CALN1: variants seen among roughly 807,000 people sequenced by gnomAD.
The protein encoded by CALN1 is calcium-binding protein 8.
In CALN1, 17 loss-of-function variants were observed where a neutral mutation model predicts 30.6. The ratio of observed to expected loss-of-function variants is 0.56; its 90% CI spans 0.38 to 0.83. The LOEUF is 0.83. CALN1 is among the 40% of genes least tolerant of loss of function. The pLI is 0.00. For missense variants in CALN1, 291 were observed against 354.9 expected (o/e 0.82, Z 1.45); for synonymous variants, 156 against 131.4 (o/e 1.19, Z -1.28).
At chr7:71,790,347 A>AAAG (rs1477771636) in intron 6 of CALN1, among the ~76,000 whole-genome samples, 2,022 of 115,126 alleles carry the variant, frequency 0.018, 27 homozygotes, top group East Asian at 0.069. Context: ...AGAAAGAAAG[A>AAAG]AAAGAAAGAA....
Position 71,787,162 on chromosome 7 carries a change from C to A in CALN1, c.*613G>T. On this transcript the variant is annotated 3_prime_UTR_variant, in exon 7 of 7. Coordinates refer to ENST00000395275, the MANE Select transcript of CALN1 (RefSeq NM_031468.4). ...ACCAATGGCAGTCCTCTAGAAAAGGCAGTAAGAACGGAAGCGGTGAGGGGT... is the reference window on the plus strand; with the variant it reads ...ACCAATGGCAGTCCTCTAGAAAAGGAAGTAAGAACGGAAGCGGTGAGGGGT... 6.6e-6 allele frequency: 1 copy of A among 152,240 alleles called. No individual in the cohort carries two copies. The highest frequency in any genetic ancestry group is 1.5e-5 in the Non-Finnish European group (1 of 68,122). 9.4% of individuals were successfully genotyped at this position (152,240 alleles called of 1,614,324 possible).
chr7:71,868,809 A>G (rs1584408922), intron 5 of CALN1, among the ~76,000 whole-genome samples: 1 of 152,170 alleles, frequency 6.6e-6, no homozygotes. Context: ...GATTGAAACC[A>G]TATCTGGGAA....
intron 2 of CALN1, among the ~76,000 whole-genome samples, chr7:72,354,234 G>C (rs1057283095): frequency 6.6e-6 from 1 of 152,084 alleles, no homozygotes; most frequent in East Asian, 1.9e-4. Flanking sequence ...AAATATTATG[G>C]ATAAGCTTAA....
chr7:72,421,109 T>G (rs1487232963), intron 1 of CALN1, among the ~76,000 whole-genome samples: 1 of 152,118 alleles, frequency 6.6e-6, no homozygotes, highest in Non-Finnish European at 1.5e-5. Context: ...GAGATCAGAT[T>G]CCTTTCTTAA....
chr7:72,208,638 C>G (rs1412101557), intron 3 of CALN1, among the ~76,000 whole-genome samples: 1 of 152,114 alleles, frequency 6.6e-6, no homozygotes, highest in Non-Finnish European at 1.5e-5. Context: ...CTTCTTCTTG[C>G]TTTTCCGTAT....
chr7:71,954,474 A>T (rs988133212), intron 5 of CALN1, among the ~76,000 whole-genome samples: 15 of 150,144 alleles, frequency 1.0e-4, no homozygotes, highest in Non-Finnish European at 2.2e-4. Flanking sequence ...ACTTAAAATT[A>T]AAAAAAAAAT....
At chr7:72,164,825 G>A (rs545440985) in intron 3 of CALN1, among the ~76,000 whole-genome samples, 1 of 152,086 alleles carries the variant, frequency 6.6e-6, no homozygotes, top group Non-Finnish European at 1.5e-5. Context: ...CACCATGCCT[G>A]GCTAATTTGT....
At chr7:72,451,988 G>C (rs1268616116), upstream of CALN1, among the ~76,000 whole-genome samples, 1 of 152,146 alleles carries the variant, frequency 6.6e-6, no homozygotes, top group African/African-American at 2.4e-5. Context: ...TGGGCAACAA[G>C]TGATACCCCC....
intron 5 of CALN1, among the ~76,000 whole-genome samples, chr7:71,929,369 A>T (rs1320448029): frequency 6.6e-6 from 1 of 152,202 alleles, no homozygotes; most frequent in East Asian, 1.9e-4. Context: ...CTTACAAGTG[A>T]GAACATGCAG....
intron 4 of CALN1, among the ~76,000 whole-genome samples, chr7:72,086,003 G>A (rs1380808475): frequency 5.3e-5 from 8 of 151,598 alleles, no homozygotes; most frequent in African/African-American, 1.5e-4. Context: ...GTCAGGTTAC[G>A]AAAAAAGAGA....
At chr7:72,471,452 G>A in the CALN1 span, among the ~76,000 whole-genome samples, 1 of 152,182 alleles carries the variant, frequency 6.6e-6, no homozygotes, top group African/African-American at 2.4e-5. Flanking sequence ...CTCCCCTGGG[G>A]GAACACACTC....
rs186718771 is a variant in CALN1 at position 72,082,286 on chromosome 7, G to A, written c.388+23865C>T. Among the ~76,000 whole-genome samples the A allele has an allele frequency of 1.3e-3, 200 of 152,100 alleles. 1 individual carries two copies. Among genetic ancestry groups the A allele is most frequent in the Admixed American group, 1.7e-3 (26 of 15,276 alleles). ...CAGGTGTGAGCCACCTCGCTCCGCC[G>A]GAACAAACTTTTAACAGCTGCTGTG... On this transcript the variant is annotated intron_variant, in intron 4 of 6. Transcript: ENST00000395275.
chr7:71,822,045 A>G (rs1003874888), intron 5 of CALN1, among the ~76,000 whole-genome samples: 1 of 152,074 alleles, frequency 6.6e-6, no homozygotes, highest in Non-Finnish European at 1.5e-5. Flanking sequence ...CTGTGACCAC[A>G]GGTGTGAGCT....
chr7:72,312,626 C>T (rs1380196700), intron 2 of CALN1, among the ~76,000 whole-genome samples: 1 of 151,722 alleles, frequency 6.6e-6, no homozygotes, highest in Non-Finnish European at 1.5e-5. Flanking sequence ...GAAAAGATGC[C>T]TCAGGTTCAG....
Position 72,011,225 on chromosome 7 carries a change from C to A in CALN1, c.501+12432G>T, listed in dbSNP as rs887736007. On this transcript the variant is annotated intron_variant, in intron 5 of 6. Coordinates refer to ENST00000395275, the MANE Select transcript of CALN1 (RefSeq NM_031468.4). Reference sequence around the variant, plus strand: ...TTCACCATGGCAATATAGGAAAAAACAAAAAAAAACAAAAACAAAAAACCA... The same window carrying A: ...TTCACCATGGCAATATAGGAAAAAAAAAAAAAAAACAAAAACAAAAAACCA... Among the ~76,000 whole-genome samples the A allele has an allele frequency of 3.1e-3, 463 of 149,196 alleles. 3 individuals are homozygous for A. Among genetic ancestry groups the A allele is most frequent in the African/African-American group, 0.011 (447 of 40,524 alleles).
chr7:72,270,950 G>A (rs1212838177), intron 3 of CALN1, among the ~76,000 whole-genome samples: 2 of 152,122 alleles, frequency 1.3e-5, no homozygotes, highest in Non-Finnish European at 2.9e-5. Context: ...CTTGACCCAA[G>A]GCAATACCAA....
intron 2 of CALN1, among the ~76,000 whole-genome samples, chr7:72,348,821 G>A (rs889110064): frequency 3.9e-5 from 6 of 152,202 alleles, no homozygotes; most frequent in African/African-American, 1.4e-4. Context: ...CTAATCCAAT[G>A]CCTAGCAAAG....
chr7:72,014,155 C>T (rs1190594697), intron 5 of CALN1, among the ~76,000 whole-genome samples: 3 of 146,718 alleles, frequency 2.0e-5, no homozygotes, highest in African/African-American at 5.1e-5. Flanking sequence ...GGCTTGGTCT[C>T]AGCTCACTGC....
At chr7:72,332,308 T>C (rs1402931282) in intron 2 of CALN1, among the ~76,000 whole-genome samples, 3 of 151,980 alleles carry the variant, frequency 2.0e-5, no homozygotes, top group Non-Finnish European at 4.4e-5. Flanking sequence ...AAGGACAGTT[T>C]ATGCAGAAAT....
Sources: gnomAD v4.1 joint callset for allele counts (sites outside exome capture counted in the v4.1 genomes callset) on GRCh38, gnomAD v4.1.1 for gene constraint, MANE v1.5 for transcripts, NCBI Gene and HGNC (gene_info 2026-07-23, HGNC 2026-07-21) for gene names.